PRKN: variants seen among roughly 807,000 people sequenced by gnomAD.
PRKN encodes E3 ubiquitin-protein ligase parkin.
Under a neutral mutation model 59.5 loss-of-function variants are expected in PRKN, and 56 were observed. The ratio of observed to expected loss-of-function variants is 0.94; its 90% confidence interval spans 0.76 to 1.18. The LOEUF (loss-of-function observed/expected upper bound fraction) is 1.18. Among genes scored for constraint, PRKN ranks in the 50% most tolerant of loss-of-function variants. The probability of loss-of-function intolerance (pLI) is 0.00; values close to 1 mark genes in which losing one functional copy is unlikely to be tolerated. For missense variants in PRKN, 657 were observed against 596.4 expected (o/e 1.10, Z -1.06); for synonymous variants, 250 against 222.1 (o/e 1.13, Z -1.12).
At chr6:161,946,299 T>G (rs1039753240) in intron 6 of PRKN, among the ~76,000 whole-genome samples, 4 of 151,930 alleles carry the variant, frequency 2.6e-5, no homozygotes, top group African/African-American at 9.7e-5. Context: ...CTAGAAGAGC[T>G]CTTAGGCAAA....
chr6:162,291,961 GTTT>G (rs10550090), intron 2 of PRKN, among the ~76,000 whole-genome samples: 10,650 of 129,534 alleles, frequency 0.082, 515 homozygotes, highest in Middle Eastern at 0.19. Flanking sequence ...TATTATTATT[GTTT>G]TTTTTTTTTT....
At chr6:162,657,607 C>T (rs1042515779) in intron 1 of PRKN, among the ~76,000 whole-genome samples, 1 of 152,134 alleles carries the variant, frequency 6.6e-6, no homozygotes, top group Non-Finnish European at 1.5e-5. Flanking sequence ...GTTGTTTTTG[C>T]CATATTTTCA....
chr6:162,191,596 C>T (rs1033567884), intron 4 of PRKN, among the ~76,000 whole-genome samples: 1 of 152,136 alleles, frequency 6.6e-6, no homozygotes, highest in Non-Finnish European at 1.5e-5. Context: ...GCACATGCCA[C>T]CACAGCCAGC....
chr6:161,350,930 T>A (rs1205190528), intron 11 of PRKN, among the ~76,000 whole-genome samples: 1 of 85,962 alleles, frequency 1.2e-5, no homozygotes, highest in Non-Finnish European at 1.9e-5. Flanking sequence ...ATATTTAAAA[T>A]ATATATAAAT....
At chr6:162,049,500 C>A (rs1021113939) in intron 5 of PRKN, among the ~76,000 whole-genome samples, 2 of 152,122 alleles carry the variant, frequency 1.3e-5, no homozygotes, top group Middle Eastern at 3.2e-3. Context: ...CTTCACTTAA[C>A]AGGCATTTAG....
At chr6:162,655,484 T>A (rs557215103) in intron 1 of PRKN, among the ~76,000 whole-genome samples, 13 of 152,312 alleles carry the variant, frequency 8.5e-5, no homozygotes, top group African/African-American at 2.9e-4. Context: ...TAACACTAAT[T>A]AGCAAGTCAG....
At chr6:162,379,758 T>A (rs1043718672) in intron 2 of PRKN, among the ~76,000 whole-genome samples, 1 of 152,216 alleles carries the variant, frequency 6.6e-6, no homozygotes, top group Non-Finnish European at 1.5e-5. Flanking sequence ...GTACATGGTA[T>A]GAGCAGACAA....
chr6:162,076,155 G>C (rs1256756969), intron 4 of PRKN, among the ~76,000 whole-genome samples: 2 of 151,890 alleles, frequency 1.3e-5, no homozygotes, highest in Non-Finnish European at 2.9e-5. Context: ...TTTTAGTAGA[G>C]ATGGGGTTTC....
intron 1 of PRKN, among the ~76,000 whole-genome samples, chr6:162,609,314 C>A (rs1782044243): frequency 6.6e-6 from 1 of 152,084 alleles, no homozygotes; most frequent in South Asian, 2.1e-4. Flanking sequence ...TCACTGCAGA[C>A]CTGAAGAAGT....
intron 4 of PRKN, among the ~76,000 whole-genome samples, chr6:162,063,400 T>TA (rs200718187): frequency 0.011 from 1,724 of 152,256 alleles, 30 homozygotes; most frequent in African/African-American, 0.04. Context: ...AAATACAAGT[T>TA]AAAATCACAA....
At chr6:162,562,662 T>C (rs1455378557) in intron 1 of PRKN, among the ~76,000 whole-genome samples, 3 of 152,068 alleles carry the variant, frequency 2.0e-5, no homozygotes, top group Non-Finnish European at 4.4e-5. Context: ...GTGTTTTGAG[T>C]GTCAGCTCAG....
chr6:162,726,138 G>A (rs972574767), intron 1 of PRKN, among the ~76,000 whole-genome samples: 5 of 152,094 alleles, frequency 3.3e-5, no homozygotes, highest in Non-Finnish European at 7.4e-5. Flanking sequence ...TCACTTATTA[G>A]GTCATAACTT....
intron 7 of PRKN, among the ~76,000 whole-genome samples, chr6:161,655,873 C>T: frequency 2.1e-5 from 1 of 47,922 alleles, no homozygotes; most frequent in African/African-American, 1.7e-4. Context: ...CATGCACACA[C>T]ACACACACAC....
intron 5 of PRKN, among the ~76,000 whole-genome samples, chr6:162,022,018 G>T (rs147195986): frequency 6.6e-6 from 1 of 152,040 alleles, no homozygotes; most frequent in African/African-American, 2.4e-5. Flanking sequence ...CGCTGCAAAG[G>T]ACAGGATTTT....
chr6:161,900,155 C>T (rs573543746), intron 6 of PRKN, among the ~76,000 whole-genome samples: 4 of 145,414 alleles, frequency 2.8e-5, no homozygotes, highest in South Asian at 4.7e-4. Flanking sequence ...TATAGATAAT[C>T]GGAAAATTTT....
chr6:162,675,317 G>A (rs903655560), intron 1 of PRKN, among the ~76,000 whole-genome samples: 6 of 152,022 alleles, frequency 3.9e-5, no homozygotes, highest in East Asian at 1.9e-4. Flanking sequence ...CCAAAGTGCC[G>A]GGATTACAGG....
chr6:161,853,246 C>A (rs556387373), intron 6 of PRKN, among the ~76,000 whole-genome samples: 1 of 152,092 alleles, frequency 6.6e-6, no homozygotes, highest in Non-Finnish European at 1.5e-5. Flanking sequence ...TTATATGTAT[C>A]TCAGTGATTT....
At chr6:161,734,429 G>C (rs76014858) in intron 7 of PRKN, among the ~76,000 whole-genome samples, 4,880 of 152,248 alleles carry the variant, frequency 0.032, 75 homozygotes, top group African/African-American at 0.043. Flanking sequence ...ACTGAGATTA[G>C]TATTGTGTGG....
intron 5 of PRKN, among the ~76,000 whole-genome samples, chr6:162,052,361 T>C (rs1777679342): frequency 6.6e-6 from 1 of 152,178 alleles, no homozygotes; most frequent in African/African-American, 2.4e-5. Context: ...TTTTTTAATC[T>C]TTTATTTTTT....
Sources: allele counts gnomAD v4.1 joint callset (sites outside exome capture counted in the v4.1 genomes callset), GRCh38; gene constraint gnomAD v4.1.1; transcripts MANE v1.5; gene names NCBI Gene and HGNC (gene_info 2026-07-23, HGNC 2026-07-21).